TMEM132C: variants seen among roughly 807,000 people sequenced by gnomAD.
The protein encoded by TMEM132C is transmembrane protein 132C.
TMEM132C carries 29 observed loss-of-function variants against 61.4 expected under a neutral mutation model. The ratio of observed to expected loss-of-function variants is 0.47; its 90% CI spans 0.35 to 0.64. The LOEUF (loss-of-function observed/expected upper bound fraction) is 0.64, where lower values mean the gene tolerates loss of function less well. Ranked by LOEUF, TMEM132C falls within the 30% of genes least tolerant of loss-of-function variation. The probability of loss-of-function intolerance (pLI) is 0.00; values close to 1 mark genes in which losing one functional copy is unlikely to be tolerated. For synonymous variants in TMEM132C, 656 were observed against 633.1 expected (o/e 1.04, Z -0.54); for missense variants, 1,408 against 1,476.9 (o/e 0.95, Z 0.76).
At chr12:128,477,775 T>C (rs1460607129) in intron 2 of TMEM132C, among the ~76,000 whole-genome samples, 2 of 152,250 alleles carry the variant, frequency 1.3e-5, no homozygotes, top group East Asian at 3.9e-4. Flanking sequence ...AGAGACAGGG[T>C]TTCACCATAT....
intron 2 of TMEM132C, among the ~76,000 whole-genome samples, chr12:128,434,422 T>C (rs1938192039): frequency 6.6e-6 from 1 of 151,928 alleles, no homozygotes; most frequent in South Asian, 2.1e-4. Context: ...TGCGTCAGCC[T>C]CCCAAGTAGC....
intron 2 of TMEM132C, among the ~76,000 whole-genome samples, chr12:128,542,258 G>A (rs568679470): frequency 3.3e-5 from 5 of 152,180 alleles, no homozygotes; most frequent in South Asian, 2.1e-4. Context: ...ATCTGTTGCT[G>A]CGGCTGCATT....
intron 2 of TMEM132C, among the ~76,000 whole-genome samples, chr12:128,512,223 C>G (rs774628738): frequency 9.2e-5 from 14 of 152,154 alleles, no homozygotes; most frequent in Non-Finnish European, 1.8e-4. Context: ...CAGCGCCCAC[C>G]CCCACATCCC....
rs185958699 is a variant in TMEM132C, at chr12:128,388,446, T to C, written c.86-26286T>C. 2.7e-3 allele frequency among the ~76,000 whole-genome samples: 407 copies of C among 152,394 alleles called. 2 individuals carry two copies. Among genetic ancestry groups the C allele is most frequent in the Admixed American group, 2.7e-3 (41 of 15,312 alleles). On this transcript the variant is annotated intron_variant, in intron 1 of 8. Transcript: ENST00000435159. Reference sequence around the variant, plus strand: ...CTCCCTCTCTTCTTCCCCTTGTCTCTTCTCTCTTCCCTCTCTCCCTGCCTC... The same window carrying C: ...CTCCCTCTCTTCTTCCCCTTGTCTCCTCTCTCTTCCCTCTCTCCCTGCCTC...
At position 128,278,750 on chromosome 12, in the gene TMEM132C, A is replaced by ATATGTATG. The variant is rs901155053; in HGVS notation, c.85+11264_85+11265insATGTATGT. Among the ~76,000 whole-genome samples the ATATGTATG allele has an allele frequency of 2.2e-5, 3 of 136,966 alleles. No individual in the cohort carries two copies. Among genetic ancestry groups the ATATGTATG allele is most frequent in the African/African-American group, 8.0e-5 (3 of 37,460 alleles). The allele number at this position is 136,966 out of a possible 152,430, so 89.9% of individuals were successfully genotyped here. On this transcript the variant is annotated intron_variant, in intron 1 of 8. Transcript: ENST00000435159. This position sits in a 1 kb window ranked among gnomAD's most constrained non-coding sequence, Gnocchi z 4.2. ...TGTGCAGACTTGATTCTATACGTGTATGTGTGTGTGTGTGTGTGTGTGTGT... is the reference window on the plus strand; with the variant it reads ...TGTGCAGACTTGATTCTATACGTGTATATGTATGTGTGTGTGTGTGTGTGTGTGTGTGT...
At chr12:128,487,829 A>G (rs942167004) in intron 2 of TMEM132C, among the ~76,000 whole-genome samples, 1 of 152,054 alleles carries the variant, frequency 6.6e-6, no homozygotes, top group African/African-American at 2.4e-5. Flanking sequence ...GGAATTTTGT[A>G]CCCACAGGAT....
Position 128,348,663 on chromosome 12 carries a change from T to G in TMEM132C, c.86-66069T>G, listed in dbSNP as rs1218755663. Among the ~76,000 whole-genome samples, 3 of 152,240 alleles carry G rather than the reference T, an allele frequency of 2.0e-5. No individual in the cohort carries two copies. The East Asian group carries it at 5.8e-4, about 29-fold the overall frequency. On this transcript the variant is annotated intron_variant, in intron 1 of 8. Transcript: ENST00000435159. ...TGGAATTGAGGGATTTCCTAAAACCTGAGGCTTATGCCAAAACTGGAAGGT... is the reference window on the plus strand; with the variant it reads ...TGGAATTGAGGGATTTCCTAAAACCGGAGGCTTATGCCAAAACTGGAAGGT...
intron 1 of TMEM132C, among the ~76,000 whole-genome samples, chr12:128,365,937 G>A (rs1233573320): frequency 3.9e-5 from 6 of 152,132 alleles, no homozygotes; most frequent in Non-Finnish European, 8.8e-5. Context: ...TGAAAGGAAG[G>A]GCCACTTTTT....
chr12:128,284,200 T>C (rs960019782), intron 1 of TMEM132C, among the ~76,000 whole-genome samples: 5 of 152,224 alleles, frequency 3.3e-5, no homozygotes, highest in African/African-American at 1.2e-4. Context: ...AGTCTACTCT[T>C]ACATATCTAT....
intron 3 of TMEM132C, among the ~76,000 whole-genome samples, chr12:128,574,494 G>A (rs1293441742): frequency 1.3e-5 from 2 of 152,164 alleles, no homozygotes; most frequent in African/African-American, 4.8e-5. Context: ...TTCTTGTTCC[G>A]TCGTGGCGGC....
At position 128,705,665 on chromosome 12, in the gene TMEM132C, G is replaced by T; in HGVS notation, c.2697G>T (p.Val899=). 1 of 1,551,318 alleles carries T rather than the reference G, an allele frequency of 6.4e-7. No homozygotes were observed. The highest frequency in any genetic ancestry group is 2.4e-5 in the East Asian group (1 of 40,898). The stretch of plus-strand genomic sequence containing the variant: ...ACTTCACCAACTTCCCTGCCCACGT[G>T]GACCTCCCCAAGGCCGGGAGTGGGC... ...PIDFTNFPAH[V]DLPKAGSGLE... Residue 899 remains valine, a synonymous_variant, in exon 9 of 9, where the codon GTG becomes GTT. Transcript: ENST00000435159.
chr12:128,610,642 G>A (rs191727914), intron 3 of TMEM132C, among the ~76,000 whole-genome samples: 3 of 152,286 alleles, frequency 2.0e-5, no homozygotes, highest in African/African-American at 7.2e-5. Flanking sequence ...AGCCCCATAT[G>A]AGCTGATGTG....
chr12:128,298,838 C>G (rs988437381), intron 1 of TMEM132C, among the ~76,000 whole-genome samples: 3 of 152,204 alleles, frequency 2.0e-5, no homozygotes, highest in South Asian at 2.1e-4. Context: ...GCACCTTGTA[C>G]CTGTCCTGCA....
At chr12:128,669,289 G>A in intron 4 of TMEM132C, 128 bp from the exon 5 acceptor site, 2 of 1,032,330 alleles carry the variant, frequency 1.9e-6, no homozygotes, top group African/African-American at 3.2e-5. Flanking sequence ...GTATGTAAAT[G>A]GTACAGTGTG....
chr12:128,559,420 T>C (rs1366669303), intron 3 of TMEM132C, among the ~76,000 whole-genome samples: 2 of 152,182 alleles, frequency 1.3e-5, no homozygotes, highest in Non-Finnish European at 2.9e-5. Flanking sequence ...TGAATAACCT[T>C]ATGCAAAGAC....
intron 3 of TMEM132C, among the ~76,000 whole-genome samples, chr12:128,588,723 C>T (rs1875640990): frequency 6.6e-6 from 1 of 152,186 alleles, no homozygotes; most frequent in Non-Finnish European, 1.5e-5. Flanking sequence ...TCCCTCTTTC[C>T]TTCCACCAAG....
chr12:128,424,454 G>GA (rs11436326), intron 2 of TMEM132C, among the ~76,000 whole-genome samples: 47,681 of 140,932 alleles, frequency 0.34, 8,850 homozygotes, highest in African/African-American at 0.51. Context: ...ATGCTAAGTG[G>GA]AAAAAAAAAA....
intron 2 of TMEM132C, among the ~76,000 whole-genome samples, chr12:128,457,800 C>T (rs1041879802): frequency 9.2e-5 from 14 of 152,028 alleles, no homozygotes; most frequent in African/African-American, 3.1e-4. Flanking sequence ...TGGAGATAAG[C>T]ATTTTCTGCC....
chr12:128,308,536 T>C (rs1049442305), intron 1 of TMEM132C, among the ~76,000 whole-genome samples: 7 of 152,192 alleles, frequency 4.6e-5, no homozygotes, highest in Non-Finnish European at 1.0e-4. Flanking sequence ...CAAGAAACTT[T>C]TGCTGAGTGA....
Sources: allele counts gnomAD v4.1 joint callset (sites outside exome capture counted in the v4.1 genomes callset), GRCh38; gene constraint gnomAD v4.1.1; non-coding constraint Gnocchi (gnomAD v3.1); transcripts MANE v1.5; gene names NCBI Gene and HGNC (gene_info 2026-07-23, HGNC 2026-07-21).